Variants in CD86 observed in about 807,000 individuals in gnomAD.
CD86 encodes the protein CD86 molecule.
CD86 carries 11 observed loss-of-function variants against 32.1 expected under a neutral mutation model. The ratio of observed to expected loss-of-function variants is 0.34; its 90% confidence interval spans 0.22 to 0.57. CD86 has a LOEUF of 0.57. CD86 is among the 20% of genes least tolerant of loss of function. CD86 has a pLI of 0.86. For missense variants in CD86, 359 were observed against 398.4 expected (o/e 0.90, Z 0.84); for synonymous variants, 137 against 135.3 (o/e 1.01, Z -0.09).
chr3:122,111,352 C>T (rs930326522), intron 5 of CD86, among the ~76,000 whole-genome samples: 2 of 152,164 alleles, frequency 1.3e-5, no homozygotes, highest in South Asian at 2.1e-4. Flanking sequence ...AATAATGCCC[C>T]CCACAAGACG....
At chr3:122,079,880 A>G (rs2072607016) in intron 1 of CD86, among the ~76,000 whole-genome samples, 1 of 152,146 alleles carries the variant, frequency 6.6e-6, no homozygotes, top group Non-Finnish European at 1.5e-5. Context: ...TCTAAGTTCC[A>G]TGTCCTTTTT....
chr3:122,072,840 C>T (rs1268625517), intron 1 of CD86, among the ~76,000 whole-genome samples: 1 of 152,050 alleles, frequency 6.6e-6, no homozygotes, highest in African/African-American at 2.4e-5. Context: ...TCTAGGTTTT[C>T]TTCTAGGGTT....
intron 5 of CD86, among the ~76,000 whole-genome samples, chr3:122,110,953 C>A (rs1031485665): frequency 2.0e-5 from 3 of 152,228 alleles, no homozygotes; most frequent in East Asian, 3.9e-4. Context: ...AAGGATGTTT[C>A]TTCCTCCATG....
chr3:122,056,500 A>G lies in CD86; in HGVS notation c.14+997A>G, dbSNP rs936634842. On this transcript the variant is annotated intron_variant, in intron 1 of 6. Transcript: ENST00000330540. ...CAGGCGCCCACCACCACGCCCGGCT[A>G]ATTTTTGTATTTTTGGTAGAGACGG... 3.3e-5 allele frequency among the ~76,000 whole-genome samples: 5 copies of G among 152,084 alleles called. No homozygotes were observed. The East Asian group carries it at 9.6e-4, about 29-fold the overall frequency.
intron 2 of CD86, among the ~76,000 whole-genome samples, chr3:122,096,924 G>A (rs1384306458): frequency 6.6e-6 from 1 of 152,122 alleles, no homozygotes; most frequent in Non-Finnish European, 1.5e-5. Context: ...CTAATTTTGT[G>A]CACATGTATC....
chr3:122,056,312 G>A (rs985443502), intron 1 of CD86, among the ~76,000 whole-genome samples: 51 of 152,172 alleles, frequency 3.4e-4, no homozygotes, highest in African/African-American at 1.1e-3. Flanking sequence ...GGCAGCTGGC[G>A]CCAGTCACTA....
Position 122,084,373 on chromosome 3 carries a change from G to C in CD86, c.15-7228G>C, listed in dbSNP as rs376265562. Among the ~76,000 whole-genome samples, 20 of 152,316 alleles carry C rather than the reference G, an allele frequency of 1.3e-4. No homozygotes were observed. In the East Asian group the frequency reaches 3.7e-3, roughly 28 times the overall value. On this transcript the variant is annotated intron_variant, in intron 1 of 6. Coordinates refer to ENST00000330540, the MANE Select transcript of CD86 (RefSeq NM_175862.5). ...AAAGGCCACATAGAAAATGTTTTCA[G>C]CTTTGCAGGCCATGCAGTCTCCATC...
chr3:122,064,115 A>T (rs957999599), intron 1 of CD86, among the ~76,000 whole-genome samples: 1 of 152,142 alleles, frequency 6.6e-6, no homozygotes, highest in Admixed American at 6.6e-5. Context: ...CTTTTGAGGC[A>T]GTGCATAAAC....
At chr3:122,101,449 T>G (rs2072997874) in intron 2 of CD86, among the ~76,000 whole-genome samples, 1 of 138,838 alleles carries the variant, frequency 7.2e-6, no homozygotes, top group Non-Finnish European at 1.5e-5. Context: ...GGTCTGTGAG[T>G]GGACAGAATG....
intron 1 of CD86, among the ~76,000 whole-genome samples, chr3:122,056,991 C>T (rs2072247528): frequency 6.6e-6 from 1 of 152,134 alleles, no homozygotes; most frequent in Non-Finnish European, 1.5e-5. Flanking sequence ...AGCCATTAAA[C>T]AATGTCTGTT....
At chr3:122,082,453 G>T (rs1347255352) in intron 1 of CD86, among the ~76,000 whole-genome samples, 1 of 152,156 alleles carries the variant, frequency 6.6e-6, no homozygotes, top group Non-Finnish European at 1.5e-5. Flanking sequence ...AGTGAACCTT[G>T]CTGCCCTTCC....
chr3:122,108,561 G>A (rs551178390), intron 4 of CD86, among the ~76,000 whole-genome samples: 2 of 152,238 alleles, frequency 1.3e-5, no homozygotes, highest in East Asian at 1.9e-4. Context: ...TAAAGTGGGC[G>A]ACTCCGTTCT....
At chr3:122,084,462 T>C (rs2072684218) in intron 1 of CD86, among the ~76,000 whole-genome samples, 1 of 152,242 alleles carries the variant, frequency 6.6e-6, no homozygotes, top group Non-Finnish European at 1.5e-5. Context: ...ACAATAGACA[T>C]AGCAGTGTTC....
At chr3:122,103,383 G>A in intron 2 of CD86, 129 bp from the exon 3 acceptor site, 1 of 665,466 alleles carries the variant, frequency 1.5e-6, no homozygotes, top group Non-Finnish European at 2.6e-6. Flanking sequence ...CACAGTTCCA[G>A]AGCTTAATAT....
intron 3 of CD86, 142 bp from the exon 4 acceptor site, chr3:122,106,056 G>A (rs892404908): frequency 3.3e-6 from 2 of 605,006 alleles, no homozygotes; most frequent in Non-Finnish European, 5.8e-6. Flanking sequence ...ACTCACCTTG[G>A]GCTGAGGGTC....
At chr3:122,091,515 C>G (rs1261705475) in intron 1 of CD86, 86 bp from the exon 2 acceptor site, 1 of 1,075,540 alleles carries the variant, frequency 9.3e-7, no homozygotes, top group Non-Finnish European at 1.4e-6. Context: ...GAATCCCAAA[C>G]TCCACGTCCA....
chr3:122,112,768 G>A (rs929275774), intron 5 of CD86, among the ~76,000 whole-genome samples: 1 of 152,064 alleles, frequency 6.6e-6, no homozygotes, highest in African/African-American at 2.4e-5. Context: ...AATTCATTTT[G>A]TGTTAATCTG....
intron 5 of CD86, among the ~76,000 whole-genome samples, chr3:122,116,751 A>G (rs1044130320): frequency 5.9e-5 from 9 of 152,178 alleles, no homozygotes; most frequent in Non-Finnish European, 4.4e-5. Flanking sequence ...ACATAGATAA[A>G]TTTCAAAAGC....
At position 122,119,449 on chromosome 3, in the gene CD86, A is replaced by G. The variant is rs200217322; in HGVS notation, c.905A>G (p.His302Arg). The change falls in exon 7 of 7, where the codon CAT (histidine) becomes CGT (arginine). Residue 302 changes from histidine to arginine, a missense_variant. Coordinates refer to ENST00000330540, the MANE Select transcript of CD86 (RefSeq NM_175862.5). The stretch of plus-strand genomic sequence containing the variant: ...TTCTATTTCTCCAGAGAAAAAATCC[A>G]TATACCTGAAAGATCTGATGAAGCC... ...SEQTKKREKI[H>R]IPERSDEAQR... 7.5e-6 allele frequency: 12 copies of G among 1,602,884 alleles called. No individual in the cohort carries two copies. The East Asian group carries it at 2.5e-4, about 33-fold the overall frequency.
Sources: allele counts gnomAD v4.1 joint callset (sites outside exome capture counted in the v4.1 genomes callset), GRCh38; gene constraint gnomAD v4.1.1; transcripts MANE v1.5; gene names NCBI Gene and HGNC (gene_info 2026-07-23, HGNC 2026-07-21).